Variants in LRBA observed in about 807,000 individuals in gnomAD.
The protein encoded by LRBA is lipopolysaccharide-responsive and beige-like anchor protein.
A neutral mutation model predicts 330.0 loss-of-function variants in LRBA; 176 were observed. The observed-to-expected ratio is 0.53, with a 90% confidence interval of 0.47 to 0.60. The LOEUF (loss-of-function observed/expected upper bound fraction) is 0.60, where lower values mean the gene tolerates loss of function less well. Ranked by LOEUF, LRBA falls within the 20% of genes least tolerant of loss-of-function variation. The pLI is 0.00. For synonymous variants in LRBA, 1,230 were observed against 1,193.0 expected, an observed-to-expected ratio of 1.03 and a Z score of -0.64; for missense variants, 3,259 against 3,444.8, an observed-to-expected ratio of 0.95 and a Z score of 1.35.
At chr4:150,450,421 C>T (rs1276790519) in intron 44 of LRBA, among the ~76,000 whole-genome samples, 2 of 152,196 alleles carry the variant, frequency 1.3e-5, no homozygotes, top group Non-Finnish European at 2.9e-5. Flanking sequence ...TTCCTTGCCT[C>T]TTCCAGGTTC....
chr4:150,287,704 G>C (rs895854449), intron 53 of LRBA, among the ~76,000 whole-genome samples: 1 of 152,216 alleles, frequency 6.6e-6, no homozygotes, highest in African/African-American at 2.4e-5. Context: ...CCAGCTGCTG[G>C]ACCTAGCCTA....
intron 47 of LRBA, among the ~76,000 whole-genome samples, chr4:150,352,679 C>T (rs916048471): frequency 6.6e-6 from 1 of 152,040 alleles, no homozygotes; most frequent in Non-Finnish European, 1.5e-5. Flanking sequence ...TGAAAAAAAT[C>T]TAGGAACTAC....
intron 9 of LRBA, among the ~76,000 whole-genome samples, chr4:150,913,193 T>A (rs1278118125): frequency 1.3e-5 from 2 of 152,180 alleles, no homozygotes; most frequent in African/African-American, 2.4e-5. Context: ...GCAGGTCAGG[T>A]GCAGTGGCTC....
At chr4:150,384,697 G>A (rs554400394) in intron 47 of LRBA, among the ~76,000 whole-genome samples, 2 of 151,742 alleles carry the variant, frequency 1.3e-5, no homozygotes, top group Admixed American at 1.3e-4. Flanking sequence ...GGTTAAATAA[G>A]GCTAGAGAAA....
At chr4:150,634,459 A>T (rs1222651502) in intron 37 of LRBA, among the ~76,000 whole-genome samples, 2 of 152,182 alleles carry the variant, frequency 1.3e-5, no homozygotes, top group South Asian at 2.1e-4. Context: ...AGCCAATTAA[A>T]TTTTTTTATC....
At chr4:150,880,936 A>ACC (rs1728311684) in intron 17 of LRBA, among the ~76,000 whole-genome samples, 1 of 152,230 alleles carries the variant, frequency 6.6e-6, no homozygotes, top group South Asian at 2.1e-4. Context: ...ATATGAAAAA[A>ACC]TGCTTAATTA....
intron 28 of LRBA, among the ~76,000 whole-genome samples, chr4:150,837,328 G>A (rs1377333876): frequency 6.6e-6 from 1 of 152,182 alleles, no homozygotes; most frequent in African/African-American, 2.4e-5. Flanking sequence ...GTGCAGAGCT[G>A]AGTTCAATTC....
chr4:150,678,469 G>A (rs919032379), intron 37 of LRBA, among the ~76,000 whole-genome samples: 1 of 152,070 alleles, frequency 6.6e-6, no homozygotes, highest in African/African-American at 2.4e-5. Context: ...GAGCATATAG[G>A]TGAGTCTCAT....
At chr4:150,410,549 A>G (rs186486099) in intron 47 of LRBA, among the ~76,000 whole-genome samples, 331 of 152,228 alleles carry the variant, frequency 2.2e-3, no homozygotes, top group African/African-American at 5.5e-3. Context: ...ATGTGATTTT[A>G]ACTGGTAACC....
At chr4:150,923,576 T>C (rs1733566508) in intron 4 of LRBA, among the ~76,000 whole-genome samples, 1 of 152,204 alleles carries the variant, frequency 6.6e-6, no homozygotes, top group Non-Finnish European at 1.5e-5. Context: ...AGCATATACA[T>C]ATAAAAGCTG....
At chr4:150,747,723 T>C (rs1327382552) in intron 35 of LRBA, among the ~76,000 whole-genome samples, 5 of 152,212 alleles carry the variant, frequency 3.3e-5, no homozygotes, top group Non-Finnish European at 5.9e-5. Flanking sequence ...TGCTGCTTCT[T>C]CATTGCCCAC....
At chr4:150,897,932 T>C (rs1407815131) in intron 14 of LRBA, 114 bp from the exon 15 acceptor site, 4 of 696,160 alleles carry the variant, frequency 5.7e-6, no homozygotes, top group Non-Finnish European at 1.0e-5. Flanking sequence ...AATATAAAGG[T>C]AGGTCTCCTA....
intron 35 of LRBA, among the ~76,000 whole-genome samples, chr4:150,752,169 C>T (rs1318423692): frequency 6.6e-6 from 1 of 152,136 alleles, no homozygotes; most frequent in Non-Finnish European, 1.5e-5. Context: ...ATGAGAACTA[C>T]TAAAGCCTCA....
chr4:150,296,428 A>G (rs926601595), intron 53 of LRBA, among the ~76,000 whole-genome samples: 7 of 152,214 alleles, frequency 4.6e-5, no homozygotes, highest in Non-Finnish European at 1.0e-4. Flanking sequence ...CAAAATCTGA[A>G]GTCTTATCAA....
chr4:150,964,698 G>C (rs1183870578), intron 2 of LRBA, among the ~76,000 whole-genome samples: 1 of 151,738 alleles, frequency 6.6e-6, no homozygotes, highest in Non-Finnish European at 1.5e-5. Flanking sequence ...AAGGCGGCAG[G>C]GCCCTCTGCC....
At chr4:150,342,464 T>C (rs781627066) in intron 48 of LRBA, among the ~76,000 whole-genome samples, 25 of 152,266 alleles carry the variant, frequency 1.6e-4, no homozygotes, top group Middle Eastern at 6.8e-3. Context: ...GATTAGCATA[T>C]TTGTCCGAAA....
At chr4:150,542,068 A>G (rs1765372746) in intron 40 of LRBA, among the ~76,000 whole-genome samples, 1 of 152,258 alleles carries the variant, frequency 6.6e-6, no homozygotes, top group South Asian at 2.1e-4. Context: ...TGTCTGAATC[A>G]TGCATTGCAT....
At chr4:150,696,225 T>C (rs1260456281) in intron 36 of LRBA, among the ~76,000 whole-genome samples, 1 of 152,004 alleles carries the variant, frequency 6.6e-6, no homozygotes, top group East Asian at 1.9e-4. Context: ...TGAGACCCTG[T>C]CTCAAAAACA....
At chr4:150,805,360 G>A (rs1420651359) in intron 33 of LRBA, among the ~76,000 whole-genome samples, 1 of 130,248 alleles carries the variant, frequency 7.7e-6, no homozygotes, top group African/African-American at 2.9e-5. Flanking sequence ...GGAAAGAAAA[G>A]GAAAGGAAAG....
Sources: allele counts gnomAD v4.1 joint callset (sites outside exome capture counted in the v4.1 genomes callset), GRCh38; gene constraint gnomAD v4.1.1; transcripts MANE v1.5; gene names NCBI Gene and HGNC (gene_info 2026-07-23, HGNC 2026-07-21).